Variants in MEP1B observed in about 807,000 individuals in gnomAD.
The protein encoded by MEP1B is N-benzoyl-L-tyrosyl-P-amino-benzoic acid hydrolase subunit beta.
In MEP1B, 80 loss-of-function variants were observed where a neutral mutation model predicts 84.6. The ratio of observed to expected loss-of-function variants is 0.95; its 90% CI spans 0.79 to 1.14. The LOEUF (loss-of-function observed/expected upper bound fraction) is 1.14, where lower values mean the gene tolerates loss of function less well. MEP1B is among the 50% of genes most tolerant of loss of function. MEP1B has a pLI of 0.00. For synonymous variants in MEP1B, 273 were observed against 288.1 expected, an observed-to-expected ratio of 0.95 and a Z score of 0.53; for missense variants, 766 against 855.1, an observed-to-expected ratio of 0.90 and a Z score of 1.30.
At chr18:32,207,529 A>T in intron 8 of MEP1B, 59 bp downstream of exon 8, 1 of 1,200,670 alleles carries the variant, frequency 8.3e-7, no homozygotes, top group Non-Finnish European at 1.2e-6. Flanking sequence ...GGAAAAAATG[A>T]TGGTCTGTGC....
Position 32,213,187 on chromosome 18 carries a change from G to C in MEP1B, c.1207G>C (p.Glu403Gln). 1.2e-6 allele frequency: 2 copies of C among 1,613,998 alleles called. No homozygotes were observed. The highest frequency in any genetic ancestry group is 1.7e-6 in the Non-Finnish European group (2 of 1,179,878). ...KVTKKFRVVF[E>Q]GRKGSGASLG... ...GACCAAGAAGTTTAGAGTGGTGTTT[G>C]AAGGACGCAAAGGCTCTGGTGCATC... Residue 403 changes from glutamate (E) to glutamine (Q), a missense_variant, in exon 11 of 15, where the codon GAA (glutamate) becomes CAA (glutamine). Physicochemically the swap from Glu to Gln is conservative, Grantham distance 29. Transcript: ENST00000269202.
chr18:32,217,232 C>T (rs1308765826), intron 13 of MEP1B, 115 bp downstream of exon 13: 3 of 1,219,026 alleles, frequency 2.5e-6, no homozygotes, highest in East Asian at 2.5e-5. Context: ...TCTCATCTCA[C>T]AGCCATTCAT....
intron 9 of MEP1B, among the ~76,000 whole-genome samples, chr18:32,209,007 G>A (rs894189865): frequency 1.3e-5 from 2 of 152,168 alleles, no homozygotes; most frequent in Non-Finnish European, 2.9e-5. Flanking sequence ...GAGGGAGGGG[G>A]AAAAGAAGAA....
At chr18:32,208,089 G>A in intron 8 of MEP1B, 30 bp from the exon 9 acceptor site, 1 of 1,609,224 alleles carries the variant, frequency 6.2e-7, no homozygotes, top group East Asian at 2.2e-5. Context: ...TGTTGTATGA[G>A]TGTCAATAAT....
intron 5 of MEP1B, among the ~76,000 whole-genome samples, chr18:32,199,838 C>A (rs2040894021): frequency 6.6e-6 from 1 of 152,170 alleles, no homozygotes; most frequent in Non-Finnish European, 1.5e-5. Context: ...CCATGTCCAG[C>A]TAATTTTTTG....
intron 6 of MEP1B, chr18:32,203,211 A>C (rs1287592898): frequency 4.6e-5 from 21 of 461,374 alleles, no homozygotes; most frequent in Non-Finnish European, 7.3e-5. Context: ...GCCTTTAGAC[A>C]AAGTGGAAAG....
At chr18:32,206,720 T>C (rs1030691670) in intron 7 of MEP1B, among the ~76,000 whole-genome samples, 1 of 152,186 alleles carries the variant, frequency 6.6e-6, no homozygotes. Flanking sequence ...CAACCAATTC[T>C]CCTGCCTCTG....
Position 32,217,793 on chromosome 18 carries a change from G to A in MEP1B, c.1919G>A (p.Gly640Glu), listed in dbSNP as rs1568274613. ...CQSGEDWWYM[G>E]ERCEKRGSTR... ...TCAGGGGAAGACTGGTGGTACATGGGAGAAAGGTGTGAAAAGAGAGGCTCC... is the reference window on the plus strand; with the variant it reads ...TCAGGGGAAGACTGGTGGTACATGGAAGAAAGGTGTGAAAAGAGAGGCTCC... Residue 640 changes from glycine to glutamate, a missense_variant, in exon 14 of 15, where the codon GGA (glycine) becomes GAA (glutamate). Gly to Glu is a moderately conservative substitution (Grantham distance 98). Transcript: ENST00000269202. 6.2e-7 allele frequency: 1 copy of A among 1,613,822 alleles called. No individual in the cohort carries two copies. Among genetic ancestry groups the A allele is most frequent in the South Asian group, 1.1e-5 (1 of 91,022 alleles).
chr18:32,217,200 C>G, intron 13 of MEP1B, 83 bp downstream of exon 13: 1 of 1,432,648 alleles, frequency 7.0e-7, no homozygotes, highest in Non-Finnish European at 9.4e-7. Context: ...CTTAATAGTT[C>G]TTATGAATGA....
intron 10 of MEP1B, among the ~76,000 whole-genome samples, chr18:32,211,383 G>A (rs1313481819): frequency 6.6e-6 from 1 of 152,210 alleles, no homozygotes; most frequent in Admixed American, 6.5e-5. Context: ...CAGCCTGTGG[G>A]ACAGATGAGG....
Position 32,210,640 on chromosome 18 carries a change from T to C in MEP1B, c.1059T>C (p.Asp353=), listed in dbSNP as rs376656902. The change falls in exon 10 of 15, where the codon GAT becomes GAC. Residue 353 remains aspartate (D), a synonymous_variant. Coordinates refer to ENST00000269202, the MANE Select transcript of MEP1B (RefSeq NM_005925.3). ...FYLYNSGSES[D]QLNIYIREYS... ...TATATAACAGTGGCAGTGAAAGTGA[T>C]CAACTGAACATCTATATCAGGGAGT... 1 of 1,614,002 alleles carries C rather than the reference T, an allele frequency of 6.2e-7. No individual in the cohort carries two copies.
At chr18:32,203,722 G>A in intron 6 of MEP1B, among the ~76,000 whole-genome samples, 1 of 152,164 alleles carries the variant, frequency 6.6e-6, no homozygotes, top group East Asian at 1.9e-4. Flanking sequence ...GGCTTTATAG[G>A]AAGCATGGTG....
chr18:32,218,025 A>G, intron 14 of MEP1B, 60 bp downstream of exon 14: 1 of 1,504,264 alleles, frequency 6.6e-7, no homozygotes, highest in Non-Finnish European at 9.2e-7. Flanking sequence ...ATGGAGAGGA[A>G]CTAGGACATT....
Position 32,208,265 on chromosome 18 carries a change from T to TG in MEP1B, c.914dup (p.Cys305TrpfsTer12). On this transcript the variant is annotated frameshift_variant, in exon 9 of 15. Transcript: ENST00000269202. LOFTEE classifies it high-confidence loss of function. ...GAGTGATCACTCCAACATGGGCCAGTGCCAAGGTAACAGGAGTGAGATATT... is the reference window on the plus strand; with the variant it reads ...GAGTGATCACTCCAACATGGGCCAGTGGCCAAGGTAACAGGAGTGAGATATT... 1 of 1,613,408 alleles carries TG rather than the reference T, an allele frequency of 6.2e-7. No individual in the cohort carries two copies. Among genetic ancestry groups the TG allele is most frequent in the Non-Finnish European group, 8.5e-7 (1 of 1,179,548 alleles).
At chr18:32,195,290 A>G (rs1156345300) in intron 4 of MEP1B, 117 bp from the exon 5 acceptor site, 3 of 639,590 alleles carry the variant, frequency 4.7e-6, no homozygotes, top group Non-Finnish European at 8.4e-6. Context: ...ACACACACAC[A>G]ATTTGTTTGT....
At chr18:32,197,440 C>G (rs920722054) in intron 5 of MEP1B, among the ~76,000 whole-genome samples, 2 of 141,194 alleles carry the variant, frequency 1.4e-5, no homozygotes, top group Non-Finnish European at 3.0e-5. Flanking sequence ...GAGTCTTGCT[C>G]TGGAATGCAG....
At chr18:32,209,780 T>C (rs1217595320) in intron 9 of MEP1B, among the ~76,000 whole-genome samples, 1 of 150,736 alleles carries the variant, frequency 6.6e-6, no homozygotes, top group Non-Finnish European at 1.5e-5. Context: ...TTTGTGACAG[T>C]TTGAAGCCAA....
At chr18:32,201,264 A>G (rs1287211949) in intron 5 of MEP1B, among the ~76,000 whole-genome samples, 1 of 151,570 alleles carries the variant, frequency 6.6e-6, no homozygotes, top group African/African-American at 2.4e-5. Flanking sequence ...TACTTATAGG[A>G]CAGAACATTT....
intron 5 of MEP1B, among the ~76,000 whole-genome samples, 185 bp downstream of exon 5, chr18:32,195,670 CTCTG>C (rs2040846272): frequency 6.6e-6 from 1 of 152,030 alleles, no homozygotes; most frequent in East Asian, 1.9e-4. Context: ...ACCTAAATGA[CTCTG>C]TCTGAAATAT....
Sources: allele counts gnomAD v4.1 joint callset (sites outside exome capture counted in the v4.1 genomes callset), GRCh38; gene constraint gnomAD v4.1.1; transcripts MANE v1.5; gene names NCBI Gene and HGNC (gene_info 2026-07-23, HGNC 2026-07-21).